CLEC5A: variants seen among roughly 807,000 people sequenced by gnomAD.
CLEC5A encodes C-type lectin domain containing 5A, also known as C-type lectin domain family 5 member A.
CLEC5A carries 15 observed loss-of-function variants against 24.4 expected under a neutral mutation model. That is an observed-to-expected ratio of 0.62 (90% confidence interval 0.41 to 0.95). CLEC5A has a LOEUF of 0.95. Among genes scored for constraint, CLEC5A ranks in the 40% least tolerant of loss-of-function variants. CLEC5A has a pLI of 0.00. For synonymous variants in CLEC5A, 71 were observed against 72.6 expected (o/e 0.98, Z 0.11); for missense variants, 211 against 224.0 (o/e 0.94, Z 0.37).
intron 4 of CLEC5A, 119 bp downstream of exon 4, chr7:141,943,777 C>T (rs531869897): frequency 1.3e-5 from 9 of 715,490 alleles, no homozygotes; most frequent in African/African-American, 3.6e-5. Flanking sequence ...ACTGGAAGGT[C>T]GTTATGGTCC....
intron 4 of CLEC5A, among the ~76,000 whole-genome samples, chr7:141,942,113 C>A (rs1175624029): frequency 1.3e-5 from 2 of 151,992 alleles, no homozygotes; most frequent in Admixed American, 6.6e-5. Context: ...AAGACCCAGA[C>A]TGTCCAAAGC....
At position 141,943,879 on chromosome 7, in the gene CLEC5A, G is replaced by A; in HGVS notation, c.208+17C>T. The A allele has an allele frequency of 6.5e-7, 1 of 1,542,256 alleles. No individual in the cohort carries two copies. The highest frequency in any genetic ancestry group is 9.0e-7 in the Non-Finnish European group (1 of 1,114,778). The stretch of plus-strand genomic sequence containing the variant: ...GAACCTAGGGGATGGGGAGTAGGTT[G>A]TAATCATGCACTTTACCTGTTCCAT... On this transcript the variant is annotated intron_variant, in intron 4 of 6. Coordinates refer to ENST00000546910, the MANE Select transcript of CLEC5A (RefSeq NM_013252.3).
At chr7:141,943,445 G>T (rs1433546812) in intron 4 of CLEC5A, among the ~76,000 whole-genome samples, 1 of 151,906 alleles carries the variant, frequency 6.6e-6, no homozygotes, top group Non-Finnish European at 1.5e-5. Context: ...TGGTGGGGAG[G>T]TATGGGGGAG....
intron 2 of CLEC5A, 88 bp from the exon 3 acceptor site, chr7:141,945,488 G>T: frequency 2.2e-6 from 2 of 892,588 alleles, no homozygotes; most frequent in Non-Finnish European, 3.8e-6. Context: ...GGCTGCTAGG[G>T]TACTGTGACT....
chr7:141,933,070 A>T (rs1009416107), intron 5 of CLEC5A, among the ~76,000 whole-genome samples: 3 of 152,184 alleles, frequency 2.0e-5, no homozygotes, highest in Non-Finnish European at 4.4e-5. Flanking sequence ...TCACCATTTT[A>T]AAAAAGTCAG....
chr7:141,933,220 C>G (rs1382823110), intron 5 of CLEC5A, among the ~76,000 whole-genome samples: 5 of 152,076 alleles, frequency 3.3e-5, no homozygotes, highest in Admixed American at 6.5e-5. Context: ...AGCGATCATT[C>G]TACATAGATC....
intron 4 of CLEC5A, among the ~76,000 whole-genome samples, chr7:141,940,486 A>C (rs1802757604): frequency 1.3e-5 from 2 of 152,012 alleles, no homozygotes; most frequent in African/African-American, 2.4e-5. Flanking sequence ...AAAAATAAAA[A>C]CTTCAAACCA....
intron 4 of CLEC5A, among the ~76,000 whole-genome samples, chr7:141,939,226 C>G (rs1802714334): frequency 2.0e-5 from 3 of 151,868 alleles, no homozygotes; most frequent in Admixed American, 2.0e-4. Context: ...AAGACATAGA[C>G]AGTAAAAACA....
chr7:141,938,375 C>T (rs1802691222), intron 4 of CLEC5A, among the ~76,000 whole-genome samples: 1 of 152,048 alleles, frequency 6.6e-6, no homozygotes, highest in Non-Finnish European at 1.5e-5. Flanking sequence ...ATGAAATTCA[C>T]ATACTGAGGA....
intron 4 of CLEC5A, among the ~76,000 whole-genome samples, chr7:141,939,602 T>A (rs1554441442): frequency 6.6e-6 from 1 of 152,072 alleles, no homozygotes; most frequent in Non-Finnish European, 1.5e-5. Flanking sequence ...TAATATTGAA[T>A]GTAAATGGAT....
Position 141,930,234 on chromosome 7 carries a change from A to G in CLEC5A, c.453-16T>C. On this transcript the variant is annotated splice_polypyrimidine_tract_variant and intron_variant, in intron 6 of 6. Transcript: ENST00000546910. ...ATTGGTAACACTAAATGAGAAAACA[A>G]AACAAAACAAAACAAACAAACAAAA... 1 of 1,573,100 alleles carries G rather than the reference A, an allele frequency of 6.4e-7. No individual in the cohort carries two copies. The highest frequency in any genetic ancestry group is 8.7e-7 in the Non-Finnish European group (1 of 1,144,074).
At position 141,929,397 on chromosome 7, in the gene CLEC5A, G is replaced by GAAATATGACA. The variant is rs1261884801; in HGVS notation, c.*697_*706dup. The GAAATATGACA allele has an allele frequency of 6.6e-6, 1 of 152,212 alleles. No homozygotes were observed. The highest frequency in any genetic ancestry group is 6.5e-5 in the Admixed American group (1 of 15,284). The allele number at this position is 152,212 out of a possible 1,614,324, so 9.4% of individuals were successfully genotyped here. On this transcript the variant is annotated 3_prime_UTR_variant, in exon 7 of 7. Coordinates refer to ENST00000546910, the MANE Select transcript of CLEC5A (RefSeq NM_013252.3). ...TTACATATGTTATAATGGAGTTTCA[G>GAAATATGACA]AAATATGACAAGGGAATTTTTAGCT...
intron 6 of CLEC5A, among the ~76,000 whole-genome samples, chr7:141,930,479 T>C (rs1474420615): frequency 6.6e-6 from 1 of 152,186 alleles, no homozygotes; most frequent in Non-Finnish European, 1.5e-5. Flanking sequence ...TGAGCGTGTA[T>C]GGATTCACAG....
chr7:141,944,728 A>G (rs1554441937), intron 3 of CLEC5A, among the ~76,000 whole-genome samples: 1 of 152,196 alleles, frequency 6.6e-6, no homozygotes, highest in East Asian at 1.9e-4. Flanking sequence ...CAAATTAGTT[A>G]CTTACATTTA....
intron 5 of CLEC5A, among the ~76,000 whole-genome samples, chr7:141,935,347 A>G (rs953334826): frequency 1.3e-5 from 2 of 152,166 alleles, no homozygotes. Context: ...ATGATCATCA[A>G]CTGCAAATTC....
chr7:141,940,642 GC>G (rs1321622270), intron 4 of CLEC5A, among the ~76,000 whole-genome samples: 2 of 150,810 alleles, frequency 1.3e-5, no homozygotes, highest in African/African-American at 4.9e-5. Flanking sequence ...ACAAAAGTCG[GC>G]TTTTTGAAAA....
chr7:141,940,812 T>C (rs1217959566), intron 4 of CLEC5A, among the ~76,000 whole-genome samples: 2 of 151,878 alleles, frequency 1.3e-5, no homozygotes, highest in African/African-American at 4.8e-5. Flanking sequence ...TATATGCCAA[T>C]AAATTGGAAA....
At chr7:141,946,090 G>T in intron 2 of CLEC5A, 124 bp downstream of exon 2, 2 of 1,043,018 alleles carry the variant, frequency 1.9e-6, no homozygotes, top group Non-Finnish European at 1.4e-6. Context: ...CTCAGGTTGG[G>T]TCAGTTAGTC....
intron 4 of CLEC5A, among the ~76,000 whole-genome samples, chr7:141,939,022 G>C (rs1554441388): frequency 6.6e-6 from 1 of 152,132 alleles, no homozygotes; most frequent in African/African-American, 2.4e-5. Context: ...GCTAAAAACA[G>C]CTCTTTAATC....
Sources: gnomAD v4.1 joint callset for allele counts (sites outside exome capture counted in the v4.1 genomes callset) on GRCh38, gnomAD v4.1.1 for gene constraint, MANE v1.5 for transcripts, NCBI Gene and HGNC (gene_info 2026-07-23, HGNC 2026-07-21) for gene names.